PPP2R2C: variants seen among roughly 807,000 people sequenced by gnomAD.
PPP2R2C encodes protein phosphatase 2, regulatory subunit B, gamma.
PPP2R2C carries 10 observed loss-of-function variants against 45.3 expected under a neutral mutation model. The observed-to-expected ratio is 0.22, with a 90% CI of 0.14 to 0.37. The LOEUF is 0.37. Among genes scored for constraint, PPP2R2C ranks in the 10% least tolerant of loss-of-function variants. The probability of loss-of-function intolerance (pLI) is 1.00; values close to 1 mark genes in which losing one functional copy is unlikely to be tolerated. For missense variants in PPP2R2C, 308 were observed against 619.7 expected (o/e 0.50, Z 5.34); for synonymous variants, 257 against 245.4 (o/e 1.05, Z -0.44).
chr4:6,448,177 C>T (rs1016344553), intron 1 of PPP2R2C, among the ~76,000 whole-genome samples: 3 of 152,154 alleles, frequency 2.0e-5, no homozygotes, highest in Admixed American at 6.5e-5. Flanking sequence ...TGCCAGACTC[C>T]GTCAAAGCCC....
intron 1 of PPP2R2C, among the ~76,000 whole-genome samples, chr4:6,401,831 GA>G (rs976229823): frequency 1.8e-4 from 27 of 152,210 alleles, no homozygotes; most frequent in African/African-American, 6.3e-4. Flanking sequence ...TCTGGTGGGA[GA>G]GGGGGGGTAT....
intron 1 of PPP2R2C, among the ~76,000 whole-genome samples, chr4:6,419,609 T>G (rs928157410): frequency 1.3e-5 from 2 of 152,266 alleles, no homozygotes; most frequent in Admixed American, 6.5e-5. Flanking sequence ...TCTGGGATGT[T>G]AGGGCCTGGG....
At chr4:6,338,345 T>C (rs1286621668) in intron 6 of PPP2R2C, among the ~76,000 whole-genome samples, 17 of 152,150 alleles carry the variant, frequency 1.1e-4, no homozygotes, top group Admixed American at 1.1e-3. Context: ...GACAACCACA[T>C]CCTCTTCCTC....
chr4:6,440,801 G>A (rs1205503161), intron 1 of PPP2R2C, among the ~76,000 whole-genome samples: 1 of 152,174 alleles, frequency 6.6e-6, no homozygotes, highest in East Asian at 1.9e-4. Context: ...TGCTAGGCTG[G>A]GTTCTCCAGA....
intron 2 of PPP2R2C, among the ~76,000 whole-genome samples, chr4:6,483,423 C>G (rs554095511): frequency 6.6e-6 from 1 of 152,226 alleles, no homozygotes; most frequent in Non-Finnish European, 1.5e-5. Context: ...TTCTCCATAT[C>G]CTCACCAAAA....
intron 2 of PPP2R2C, among the ~76,000 whole-genome samples, chr4:6,481,366 T>A (rs1330796817): frequency 6.6e-6 from 1 of 152,226 alleles, no homozygotes; most frequent in Non-Finnish European, 1.5e-5. Context: ...AATTACATAC[T>A]TTTTCCATAT....
At chr4:6,562,109 C>T (rs1320574463) in intron 1 of PPP2R2C, among the ~76,000 whole-genome samples, 1 of 152,200 alleles carries the variant, frequency 6.6e-6, no homozygotes, top group African/African-American at 2.4e-5. Context: ...GAAACAGACA[C>T]ATTCAGGGGC....
intron 1 of PPP2R2C, among the ~76,000 whole-genome samples, chr4:6,408,503 G>C (rs538527732): frequency 6.6e-6 from 1 of 152,234 alleles, no homozygotes; most frequent in African/African-American, 2.4e-5. Context: ...TGGGAACCTG[G>C]GCCATCGTGA....
intron 4 of PPP2R2C, among the ~76,000 whole-genome samples, chr4:6,375,310 G>A (rs1015479265): frequency 6.6e-6 from 1 of 152,184 alleles, no homozygotes; most frequent in African/African-American, 2.4e-5. Context: ...ACTGGATGCT[G>A]GGCACGTGTG....
At chr4:6,443,625 C>T (rs921467698) in intron 1 of PPP2R2C, among the ~76,000 whole-genome samples, 2 of 152,220 alleles carry the variant, frequency 1.3e-5, no homozygotes, top group African/African-American at 4.8e-5. Flanking sequence ...ATGCCACTTC[C>T]TGGCTGGGTG....
In PPP2R2C at chr4:6,402,295, G is replaced by A. The variant is rs910993665; in HGVS notation, c.71-21201C>T. ...CCTCGGCACTTTCCACTTTGCCTGC[G>A]GCTCTTCATACAAGCGGCCCCATTT... On this transcript the variant is annotated intron_variant, in intron 1 of 8. Transcript: ENST00000382599. Among the ~76,000 whole-genome samples the A allele has an allele frequency of 7.9e-5, 12 of 152,252 alleles. No homozygotes were observed. The East Asian group carries it at 1.2e-3, about 15-fold the overall frequency.
chr4:6,381,242 G>C, intron 1 of PPP2R2C, 148 bp from the exon 2 acceptor site: 3 of 1,535,756 alleles, frequency 2.0e-6, no homozygotes, highest in Non-Finnish European at 2.6e-6. Context: ...GAGGGGTCAG[G>C]AGCATCGGCG....
At position 6,364,121 on chromosome 4, in the gene PPP2R2C, C is replaced by T. The variant is rs1019657976; in HGVS notation, c.625+8402G>A. Among the ~76,000 whole-genome samples, 1 of 152,128 alleles carries T rather than the reference C, an allele frequency of 6.6e-6. No individual in the cohort carries two copies. The highest frequency in any genetic ancestry group is 1.5e-5 in the Non-Finnish European group (1 of 68,032). On this transcript the variant is annotated intron_variant, in intron 5 of 8. Transcript: ENST00000382599. The surrounding 1 kb of genome is among the most constrained non-coding windows in gnomAD (Gnocchi z 5.3). ...AATGAACAGGGAACGAGGTAGAGGC[C>T]AAGCCTCTAGGGAAGGGGCTCGAGG...
chr4:6,400,416 T>A (rs1468725189), intron 1 of PPP2R2C, among the ~76,000 whole-genome samples: 1 of 152,246 alleles, frequency 6.6e-6, no homozygotes, highest in Non-Finnish European at 1.5e-5. Flanking sequence ...TGAATTCATA[T>A]AAATCTTTTT....
intron 2 of PPP2R2C, among the ~76,000 whole-genome samples, chr4:6,512,245 GTGGTGGTGA>G (rs1723623590): frequency 1.3e-5 from 1 of 74,564 alleles, no homozygotes; most frequent in Non-Finnish European, 2.7e-5. Flanking sequence ...GGTGGGGGTG[GTGGTGGTGA>G]TGGTGGTGGT....
At chr4:6,529,179 A>C (rs958257978) in intron 2 of PPP2R2C, among the ~76,000 whole-genome samples, 3 of 152,230 alleles carry the variant, frequency 2.0e-5, no homozygotes, top group African/African-American at 7.2e-5. Context: ...TGGCAGCCTC[A>C]TCGGCAGCAG....
Position 6,323,182 on chromosome 4 carries a change from C to T in PPP2R2C, c.*120G>A. The stretch of plus-strand genomic sequence containing the variant: ...ACTTCCTGTGTCCACACACTGCCAC[C>T]TCTGCAGCTGTCCTCATCAGTGCTG... On this transcript the variant is annotated 3_prime_UTR_variant, in exon 9 of 9. Transcript: ENST00000382599. 1 of 1,229,934 alleles carries T rather than the reference C, an allele frequency of 8.1e-7. No homozygotes were observed. 76.2% of individuals were successfully genotyped at this position (1,229,934 alleles called of 1,614,324 possible). A position where few individuals can be genotyped will look rare whatever the true frequency, so the allele number is the denominator to read the frequency against.
chr4:6,508,158 G>C (rs1286220593), intron 2 of PPP2R2C, among the ~76,000 whole-genome samples: 2 of 152,194 alleles, frequency 1.3e-5, no homozygotes, highest in Non-Finnish European at 2.9e-5. Flanking sequence ...GAACTGAGCA[G>C]GGCAGGAGAG....
chr4:6,476,397 G>A (rs1342413896), upstream of PPP2R2C, among the ~76,000 whole-genome samples: 2 of 152,164 alleles, frequency 1.3e-5, no homozygotes, highest in African/African-American at 4.8e-5. Flanking sequence ...TCCCAAGGGT[G>A]GGGCCCTCAT....
Sources: allele counts gnomAD v4.1 joint callset (sites outside exome capture counted in the v4.1 genomes callset), GRCh38; gene constraint gnomAD v4.1.1; non-coding constraint Gnocchi (gnomAD v3.1); transcripts MANE v1.5; gene names NCBI Gene and HGNC (gene_info 2026-07-23, HGNC 2026-07-21).